The following STOX2 variants were observed in gnomAD, a reference collection of about 807,000 sequenced individuals.
The protein encoded by STOX2 is storkhead-box protein 2.
STOX2 carries 28 observed loss-of-function variants against 60.9 expected under a neutral mutation model. The observed-to-expected ratio is 0.46, with a 90% CI of 0.34 to 0.63. STOX2 has a LOEUF of 0.63. STOX2 is among the 30% of genes least tolerant of loss of function. The probability of loss-of-function intolerance (pLI) is 0.01; values close to 1 mark genes in which losing one functional copy is unlikely to be tolerated. For synonymous variants in STOX2, 472 were observed against 463.9 expected (o/e 1.02, Z -0.22); for missense variants, 1,024 against 1,187.7 (o/e 0.86, Z 2.03).
chr4:183,993,671 T>C (rs1007087391), intron 1 of STOX2, among the ~76,000 whole-genome samples: 6 of 152,262 alleles, frequency 3.9e-5, no homozygotes, highest in South Asian at 2.1e-4. Flanking sequence ...TTTCCTTCAG[T>C]TGACTATTGC....
intron 1 of STOX2, among the ~76,000 whole-genome samples, chr4:183,930,686 C>T (rs1047989724): frequency 2.0e-5 from 3 of 152,256 alleles, no homozygotes; most frequent in African/African-American, 7.2e-5. Context: ...GGAAGTTAGT[C>T]TTCAATATTC....
chr4:183,934,831 A>C (rs1264623610), intron 1 of STOX2, among the ~76,000 whole-genome samples: 1 of 152,240 alleles, frequency 6.6e-6, no homozygotes, highest in African/African-American at 2.4e-5. Flanking sequence ...GTGTATTTTC[A>C]TATGTACCTG....
rs532892045 is a variant in STOX2 at position 183,967,218 on chromosome 4, C to T, written c.167-34107C>T. ...TCTCTACTAAAAATACAAAATTAGCCGGGTGTGGTGGTGCATGCCTGTAAT... is the reference window on the plus strand; with the variant it reads ...TCTCTACTAAAAATACAAAATTAGCTGGGTGTGGTGGTGCATGCCTGTAAT... On this transcript the variant is annotated intron_variant, in intron 1 of 3. Transcript: ENST00000308497. 1.3e-4 allele frequency among the ~76,000 whole-genome samples: 19 copies of T among 151,956 alleles called. No homozygotes were observed. In the East Asian group the frequency reaches 2.5e-3, roughly 20 times the overall value.
intron 2 of STOX2, among the ~76,000 whole-genome samples, chr4:184,006,076 A>G (rs1271778538): frequency 6.6e-6 from 1 of 152,200 alleles, no homozygotes; most frequent in African/African-American, 2.4e-5. Flanking sequence ...CTATACATTA[A>G]TAGCTTTATG....
intron 1 of STOX2, among the ~76,000 whole-genome samples, chr4:183,860,870 T>G (rs972892383): frequency 1.3e-5 from 2 of 152,176 alleles, no homozygotes; most frequent in African/African-American, 4.8e-5. Flanking sequence ...CGAGTTTCCG[T>G]AGGTGGAAGA....
chr4:184,002,407 G>C (rs970464110), intron 2 of STOX2, among the ~76,000 whole-genome samples: 4 of 152,174 alleles, frequency 2.6e-5, no homozygotes, highest in Non-Finnish European at 5.9e-5. Flanking sequence ...GCTGTTAATT[G>C]TATCAGTTAG....
chr4:183,858,321 G>C (rs962277806), intron 1 of STOX2, among the ~76,000 whole-genome samples: 3 of 152,228 alleles, frequency 2.0e-5, no homozygotes, highest in Non-Finnish European at 4.4e-5. Flanking sequence ...CCCTGTGCGG[G>C]CTGCAAGCCT....
chr4:183,993,322 C>T (rs1560926838), intron 1 of STOX2, among the ~76,000 whole-genome samples: 2 of 152,236 alleles, frequency 1.3e-5, no homozygotes, highest in South Asian at 4.1e-4. Flanking sequence ...CGTTACTTCA[C>T]ATAGTGGCAT....
At chr4:183,819,098 C>A (rs925306095) in intron 1 of STOX2, among the ~76,000 whole-genome samples, 3 of 149,362 alleles carry the variant, frequency 2.0e-5, no homozygotes, top group African/African-American at 7.4e-5. Context: ...ACATCCCAGA[C>A]GATGGGCGGC....
At chr4:183,952,180 A>G (rs1272725888) in intron 1 of STOX2, among the ~76,000 whole-genome samples, 1 of 152,240 alleles carries the variant, frequency 6.6e-6, no homozygotes, top group Non-Finnish European at 1.5e-5. Flanking sequence ...TGCATATTTC[A>G]AAACAGGGAA....
chr4:184,001,330 G>A lies in STOX2; in HGVS notation c.172G>A (p.Val58Ile), dbSNP rs749347622. The A allele has an allele frequency of 2.1e-5, 34 of 1,613,792 alleles. No individual in the cohort carries two copies. Among genetic ancestry groups the A allele is most frequent in the Non-Finnish European group, 2.4e-5 (28 of 1,179,788 alleles). ...TGAAAATTGTCTTTCTGCAGGTGAT[G>A]TATCACCCATCAGTATGTCTCCCAT... is the stretch of plus-strand genomic sequence containing the variant. ...ASRGYMTSGD[V>I]SPISMSPISQ... The change falls in exon 2 of 4, where the codon GTA (valine) becomes ATA (isoleucine). Residue 58 changes from valine to isoleucine, a missense_variant. Physicochemically the swap from Val to Ile is conservative, Grantham distance 29 (BLOSUM62 3). Around this residue, in one of 3 missense-constraint regions of STOX2, gnomAD observed 98 missense variants for 110.2 expected, o/e 0.89. Coordinates refer to ENST00000308497, the MANE Select transcript of STOX2 (RefSeq NM_020225.3). The surrounding 1 kb of genome is among the most constrained non-coding windows in gnomAD (Gnocchi z 4.2).
chr4:183,912,832 T>C (rs765579857), intron 1 of STOX2, among the ~76,000 whole-genome samples: 65 of 152,154 alleles, frequency 4.3e-4, no homozygotes, highest in Non-Finnish European at 8.1e-4. Flanking sequence ...TCTTAGAAAG[T>C]TGAATGAGGT....
chr4:183,872,763 A>G (rs544492293), intron 1 of STOX2, among the ~76,000 whole-genome samples: 1 of 152,162 alleles, frequency 6.6e-6, no homozygotes, highest in East Asian at 1.9e-4. Context: ...TGGTCCTCCT[A>G]ACTCATTGGC....
At position 184,009,670 on chromosome 4, in the gene STOX2, G is replaced by T; in HGVS notation, c.832G>T (p.Asp278Tyr). ...LKLFRLSFKK[D>Y]KTKQLANFSA... ...GTTATTCCGGTTAAGTTTTAAAAAA[G>T]ACAAGACCAAACAGCTGGCCAATTT... Residue 278 changes from aspartate to tyrosine, a missense_variant, in exon 3 of 4, where the codon GAC becomes TAC. By Grantham distance (160) the Asp-to-Tyr change is radical. Around this residue, in one of 3 missense-constraint regions of STOX2, gnomAD observed 922 missense variants for 1,058.3 expected, o/e 0.87. Transcript: ENST00000308497. The surrounding 1 kb of genome is among the most constrained non-coding windows in gnomAD (Gnocchi z 4.0). 6.2e-7 allele frequency: 1 copy of T among 1,613,772 alleles called. No individual in the cohort carries two copies. Among genetic ancestry groups the T allele is most frequent in the Non-Finnish European group, 8.5e-7 (1 of 1,179,866 alleles).
intron 1 of STOX2, among the ~76,000 whole-genome samples, chr4:183,889,956 G>T (rs1164928585): frequency 6.6e-6 from 1 of 152,164 alleles, no homozygotes; most frequent in African/African-American, 2.4e-5. Context: ...CGAGCTACTT[G>T]CTTCTATTTC....
intron 1 of STOX2, among the ~76,000 whole-genome samples, chr4:183,930,193 T>A (rs1742380133): frequency 6.9e-6 from 1 of 144,146 alleles, no homozygotes; most frequent in South Asian, 2.2e-4. Context: ...TAAGACAGGG[T>A]CTTACCCTGT....
rs148679266 is a variant in STOX2, at chr4:184,019,806, A to T, written c.*2522A>T. On this transcript the variant is annotated 3_prime_UTR_variant, in exon 4 of 4. Transcript: ENST00000308497. ...GATCGAGATTCTTGAATGGGGGAGGAGTGGCAGCCGGCAGCACATTGCAAA... is the reference window on the plus strand; with the variant it reads ...GATCGAGATTCTTGAATGGGGGAGGTGTGGCAGCCGGCAGCACATTGCAAA... 105 of 152,280 alleles carry T rather than the reference A, an allele frequency of 6.9e-4. No individual in the cohort carries two copies. The highest frequency in any genetic ancestry group is 2.5e-3 in the African/African-American group (104 of 41,544). The allele number at this position is 152,280 out of a possible 1,614,324, so 9.4% of individuals were successfully genotyped here.
At chr4:184,006,763 C>T (rs1377471860) in intron 2 of STOX2, among the ~76,000 whole-genome samples, 15 of 140,170 alleles carry the variant, frequency 1.1e-4, no homozygotes, top group Admixed American at 1.1e-3. Context: ...AATTAAAAAA[C>T]ACCAGCACTT....
chr4:183,969,627 T>G (rs1198581604), intron 1 of STOX2, among the ~76,000 whole-genome samples: 4 of 122,888 alleles, frequency 3.3e-5, no homozygotes, highest in Non-Finnish European at 5.3e-5. Flanking sequence ...GGTTGCAGGG[T>G]TTTTTTTTTG....
Sources: gnomAD v4.1 joint callset for allele counts (sites outside exome capture counted in the v4.1 genomes callset) on GRCh38, gnomAD v4.1.1 for gene constraint, gnomAD v4.1.1 regional missense constraint, Gnocchi (gnomAD v3.1) non-coding constraint, MANE v1.5 for transcripts, NCBI Gene and HGNC (gene_info 2026-07-23, HGNC 2026-07-21) for gene names.